The following EIF4EBP1 variants were observed in gnomAD, a reference collection of about 807,000 sequenced individuals.
EIF4EBP1 encodes the protein eukaryotic translation initiation factor 4E binding protein 1.
A neutral mutation model predicts 9.2 loss-of-function variants in EIF4EBP1; 5 were observed. The ratio of observed to expected loss-of-function variants is 0.54; its 90% CI spans 0.28 to 1.14. EIF4EBP1 has a LOEUF of 1.14. Ranked by LOEUF, EIF4EBP1 falls within the 50% of genes most tolerant of loss-of-function variation. EIF4EBP1 has a pLI of 0.09. For missense variants in EIF4EBP1, 139 were observed against 169.6 expected, an observed-to-expected ratio of 0.82 and a Z score of 1.00; for synonymous variants, 62 against 67.0, an observed-to-expected ratio of 0.93 and a Z score of 0.36.
At chr8:38,044,618 T>A (rs1809427563) in intron 1 of EIF4EBP1, among the ~76,000 whole-genome samples, 1 of 152,186 alleles carries the variant, frequency 6.6e-6, no homozygotes, top group Non-Finnish European at 1.5e-5. Flanking sequence ...TTTAAATTTT[T>A]TGTAGAGATG....
intron 1 of EIF4EBP1, among the ~76,000 whole-genome samples, chr8:38,036,549 G>A (rs1158840899): frequency 1.3e-5 from 2 of 152,150 alleles, no homozygotes; most frequent in South Asian, 2.1e-4. Context: ...GAGGAAAAAG[G>A]GTCAGCAGAG....
chr8:38,057,350 G>C, intron 2 of EIF4EBP1, 90 bp downstream of exon 2: 1 of 1,449,294 alleles, frequency 6.9e-7, no homozygotes, highest in South Asian at 1.4e-5. Flanking sequence ...TTCCAGGGAG[G>C]AGGAACAACA....
chr8:38,057,916 G>A (rs180791198), intron 2 of EIF4EBP1, among the ~76,000 whole-genome samples: 2 of 152,252 alleles, frequency 1.3e-5, no homozygotes, highest in Non-Finnish European at 2.9e-5. Flanking sequence ...GCAGAGTGTT[G>A]GAGTTCTCTG....
rs184776089 is a variant in EIF4EBP1 at position 38,044,949 on chromosome 8, A to C, written c.146-12132A>C. ...ACAGATGGCAACGATTGCTGTATGC[A>C]CCTCGCCCGAAAATCTAAGCCTTCA... On this transcript the variant is annotated intron_variant, in intron 1 of 2. Coordinates refer to ENST00000338825, the MANE Select transcript of EIF4EBP1 (RefSeq NM_004095.4). Among the ~76,000 whole-genome samples, 39 of 152,162 alleles carry C rather than the reference A, an allele frequency of 2.6e-4. No homozygotes were observed. In the East Asian group the frequency reaches 7.5e-3, roughly 29 times the overall value.
At chr8:38,050,743 G>A (rs1296269791) in intron 1 of EIF4EBP1, among the ~76,000 whole-genome samples, 1 of 152,078 alleles carries the variant, frequency 6.6e-6, no homozygotes, top group East Asian at 1.9e-4. Context: ...CTTCCAGAGT[G>A]TTGGGATTAC....
intron 1 of EIF4EBP1, among the ~76,000 whole-genome samples, chr8:38,044,912 C>G (rs1161750055): frequency 6.6e-6 from 1 of 152,118 alleles, no homozygotes; most frequent in Non-Finnish European, 1.5e-5. Context: ...TGAGCACAGA[C>G]CGGAGGGGAT....
At position 38,054,357 on chromosome 8, in the gene EIF4EBP1, G is replaced by A. The variant is rs139704759; in HGVS notation, c.146-2724G>A. 1.1e-4 allele frequency among the ~76,000 whole-genome samples: 16 copies of A among 152,246 alleles called. No homozygotes were observed. In the East Asian group the frequency reaches 1.9e-3, roughly 18 times the overall value. ...TCCCAGCTACTGGGGAGGCTGAGGC[G>A]GGAGGATTGCTAGAACCCAGGAGGC... On this transcript the variant is annotated intron_variant, in intron 1 of 2. Coordinates refer to ENST00000338825, the MANE Select transcript of EIF4EBP1 (RefSeq NM_004095.4).
At chr8:38,059,444 C>T (rs1039288419) in intron 2 of EIF4EBP1, among the ~76,000 whole-genome samples, 5 of 152,084 alleles carry the variant, frequency 3.3e-5, no homozygotes, top group East Asian at 3.9e-4. Flanking sequence ...CCTGCAGAAC[C>T]GCGAGCCAGT....
At chr8:38,052,011 G>C (rs1809530816) in intron 1 of EIF4EBP1, among the ~76,000 whole-genome samples, 1 of 152,202 alleles carries the variant, frequency 6.6e-6, no homozygotes, top group Admixed American at 6.5e-5. Context: ...ACAGATGTGA[G>C]TCACTGCGCC....
chr8:38,031,613 G>A (rs750470421), intron 1 of EIF4EBP1, among the ~76,000 whole-genome samples: 1 of 152,164 alleles, frequency 6.6e-6, no homozygotes, highest in African/African-American at 2.4e-5. Flanking sequence ...CCTCCACGCT[G>A]CTTTCCATAC....
At chr8:38,031,867 C>T (rs992841211) in intron 1 of EIF4EBP1, among the ~76,000 whole-genome samples, 10 of 152,304 alleles carry the variant, frequency 6.6e-5, no homozygotes, top group East Asian at 1.9e-4. Flanking sequence ...ATTGTCACAC[C>T]GTTTTCCCAG....
rs142440307 is a variant in EIF4EBP1, at chr8:38,045,734, T to C, written c.146-11347T>C. 1.8e-3 allele frequency among the ~76,000 whole-genome samples: 268 copies of C among 152,118 alleles called. 1 individual carries two copies. Among genetic ancestry groups the C allele is most frequent in the African/African-American group, 5.9e-3 (247 of 41,530 alleles). ...AATAATAATAATGATAATTAATTAA[T>C]AGAAATATTTCCTTACTTTTTTTAG... On this transcript the variant is annotated intron_variant, in intron 1 of 2. Transcript: ENST00000338825.
In EIF4EBP1 at chr8:38,060,053, G is replaced by A. The variant is rs551875202; in HGVS notation, c.*118G>A. On this transcript the variant is annotated 3_prime_UTR_variant, in exon 3 of 3. Transcript: ENST00000338825. ...CTGGGCAGGCGTTGGCGTGGGGTCGGACACCCCAGCCCTTTCTCCCTCACT... is the reference window on the plus strand; with the variant it reads ...CTGGGCAGGCGTTGGCGTGGGGTCGAACACCCCAGCCCTTTCTCCCTCACT... 77 of 1,027,570 alleles carry A rather than the reference G, an allele frequency of 7.5e-5. No homozygotes were observed. In the South Asian group the frequency reaches 9.3e-4, roughly 12 times the overall value. The allele number at this position is 1,027,570 out of a possible 1,614,324, so 63.7% of individuals were successfully genotyped here. A position where few individuals can be genotyped will look rare whatever the true frequency, so the allele number is the denominator to read the frequency against.
intron 1 of EIF4EBP1, among the ~76,000 whole-genome samples, chr8:38,053,962 T>C (rs1225060635): frequency 6.6e-6 from 1 of 152,146 alleles, no homozygotes; most frequent in Admixed American, 6.6e-5. Flanking sequence ...TTGGAGATGA[T>C]TGGCGGTGAT....
At chr8:38,047,486 G>GTTTTTTT (rs1178556827) in intron 1 of EIF4EBP1, 1 of 60,908 alleles carries the variant, frequency 1.6e-5, no homozygotes, top group African/African-American at 5.6e-5. Flanking sequence ...TTTGGGTTTT[G>GTTTTTTT]TTTTTTTTTT....
chr8:38,042,052 A>G (rs146459909), intron 1 of EIF4EBP1, among the ~76,000 whole-genome samples: 18 of 151,870 alleles, frequency 1.2e-4, no homozygotes, highest in African/African-American at 7.2e-5. Flanking sequence ...TAAGCAATCT[A>G]TTCCTCTTTG....
chr8:38,033,470 T>C (rs891760771), intron 1 of EIF4EBP1, among the ~76,000 whole-genome samples: 1 of 151,002 alleles, frequency 6.6e-6, no homozygotes, highest in Non-Finnish European at 1.5e-5. Context: ...TTCAGATCTC[T>C]GGAGTCTAGC....
At chr8:38,052,856 G>A (rs1276479838) in intron 1 of EIF4EBP1, among the ~76,000 whole-genome samples, 1 of 151,804 alleles carries the variant, frequency 6.6e-6, no homozygotes, top group African/African-American at 2.4e-5. Flanking sequence ...CCCAGCCTTC[G>A]GCTGACTTTC....
At position 38,038,720 on chromosome 8, in the gene EIF4EBP1, C is replaced by T. The variant is rs371459663; in HGVS notation, c.145+8002C>T. The stretch of plus-strand genomic sequence containing the variant: ...TTGATCTGTTTCTGGGCCAGCGATA[C>T]GAGGTACATGCTCTCGAGATGCTCA... On this transcript the variant is annotated intron_variant, in intron 1 of 2. Transcript: ENST00000338825. 7.3e-5 allele frequency among the ~76,000 whole-genome samples: 11 copies of T among 151,610 alleles called. No individual in the cohort carries two copies. The East Asian group carries it at 1.8e-3, about 25-fold the overall frequency.
Sources: gnomAD v4.1 joint callset for allele counts (sites outside exome capture counted in the v4.1 genomes callset) on GRCh38, gnomAD v4.1.1 for gene constraint, MANE v1.5 for transcripts, NCBI Gene and HGNC (gene_info 2026-07-23, HGNC 2026-07-21) for gene names.